Variants in PCDHGB3 observed in about 807,000 individuals in gnomAD.
The protein encoded by PCDHGB3 is protocadherin gamma-B3.
In PCDHGB3, 40 loss-of-function variants were observed where a neutral mutation model predicts 59.2. The observed-to-expected ratio is 0.68, with a 90% CI of 0.52 to 0.88. The LOEUF (loss-of-function observed/expected upper bound fraction) is 0.88, where lower values mean the gene tolerates loss of function less well. Among genes scored for constraint, PCDHGB3 ranks in the 40% least tolerant of loss-of-function variants. PCDHGB3 has a pLI of 0.00. For missense variants in PCDHGB3, 1,309 were observed against 1,187.9 expected (o/e 1.10, Z -1.50); for synonymous variants, 581 against 503.6 (o/e 1.15, Z -2.06).
intron 1 of PCDHGB3, among the ~76,000 whole-genome samples, chr5:141,381,126 A>G (rs772022914): frequency 2.6e-5 from 4 of 152,232 alleles, no homozygotes; most frequent in Non-Finnish European, 5.9e-5. Context: ...TGTATTCTGG[A>G]GCAATGCCAC....
At chr5:141,383,449 A>C (rs1231609078) in intron 1 of PCDHGB3, 1 of 1,613,892 alleles carries the variant, frequency 6.2e-7, no homozygotes, top group South Asian at 1.1e-5. Context: ...GGCTGTGCAA[A>C]GTGGAGACGA....
rs142172414 is a variant in PCDHGB3, at chr5:141,477,145, G to A, written c.2416-17662G>A. On this transcript the variant is annotated intron_variant, in intron 1 of 3. Coordinates refer to ENST00000576222, the MANE Select transcript of PCDHGB3 (RefSeq NM_018924.5). The surrounding 1 kb of genome is among the most constrained non-coding windows in gnomAD (Gnocchi z 4.9). ...ATTGCAAAGTGTTGGTGGAGGTTGT[G>A]GATGTGAATGACAACGCCCCGGAGA... The A allele has an allele frequency of 3.7e-6, 6 of 1,614,054 alleles. No homozygotes were observed. The African/African-American group carries it at 8.0e-5, about 22-fold the overall frequency.
chr5:141,372,031 T>G lies in PCDHGB3; in HGVS notation c.1637T>G (p.Val546Gly). The change falls in exon 1 of 4, where the codon GTG becomes GGG. Residue 546 changes from valine to glycine, a missense_variant. By Grantham distance (109) the Val-to-Gly change is moderately radical. Transcript: ENST00000576222. ...DQGSPTLSAN[V>G]SLRVLVDDRN... ...GGCTCGCCTACGCTCAGCGCCAACG[T>G]GAGCCTGCGCGTGTTGGTGGACGAC... 1.9e-6 allele frequency: 3 copies of G among 1,613,434 alleles called. No individual in the cohort carries two copies. Among genetic ancestry groups the G allele is most frequent in the Non-Finnish European group, 2.5e-6 (3 of 1,179,752 alleles).
chr5:141,494,671 C>T, intron 1 of PCDHGB3, 136 bp from the exon 2 acceptor site: 1 of 1,532,340 alleles, frequency 6.5e-7, no homozygotes, highest in East Asian at 2.4e-5. Context: ...GAGATGAGTC[C>T]ACCCCTGCCC....
In PCDHGB3 at chr5:141,485,145, A is replaced by G. The variant is rs766014792; in HGVS notation, c.2416-9662A>G. On this transcript the variant is annotated intron_variant, in intron 1 of 3. Coordinates refer to ENST00000576222, the MANE Select transcript of PCDHGB3 (RefSeq NM_018924.5). The surrounding 1 kb of genome is among the most constrained non-coding windows in gnomAD (Gnocchi z 5.7). Reference sequence around the variant, plus strand: ...GGGTCGGCTTCATCCGCGTCTCAGGAGCAAGTAGAGAATTAGCGGGCGGCA... The same window carrying G: ...GGGTCGGCTTCATCCGCGTCTCAGGGGCAAGTAGAGAATTAGCGGGCGGCA... The G allele has an allele frequency of 4.5e-6, 7 of 1,567,410 alleles. No individual in the cohort carries two copies. Among genetic ancestry groups the G allele is most frequent in the Non-Finnish European group, 6.1e-6 (7 of 1,142,014 alleles).
In PCDHGB3 at chr5:141,431,482, G is replaced by C. The variant is rs781371030; in HGVS notation, c.2415+58673G>C. ...TGGATGCGAACGACAACGCACCAGCGTTTGCTCAGCCCGAGTACCGCGCGA... is the reference window on the plus strand; with the variant it reads ...TGGATGCGAACGACAACGCACCAGCCTTTGCTCAGCCCGAGTACCGCGCGA... On this transcript the variant is annotated intron_variant, in intron 1 of 3. Coordinates refer to ENST00000576222, the MANE Select transcript of PCDHGB3 (RefSeq NM_018924.5). The surrounding 1 kb of genome is among the most constrained non-coding windows in gnomAD (Gnocchi z 4.8). The C allele has an allele frequency of 6.8e-6, 11 of 1,613,800 alleles. No individual in the cohort carries two copies. The Admixed American group carries it at 1.3e-4, about 20-fold the overall frequency.
intron 1 of PCDHGB3, chr5:141,408,411 C>T (rs2095101928): frequency 1.2e-6 from 2 of 1,614,034 alleles, no homozygotes; most frequent in African/African-American, 1.3e-5. Context: ...CGAGTGAGCG[C>T]GGAGAAGCTG....
chr5:141,428,858 GACT>G (rs1348026268), intron 1 of PCDHGB3: 1 of 139,194 alleles, frequency 7.2e-6, no homozygotes, highest in African/African-American at 3.0e-5. Flanking sequence ...TTTTACGGGA[GACT>G]TTTTTTTTTT....
chr5:141,431,066 CAATT>C lies in PCDHGB3; in HGVS notation c.2415+58260_2415+58263del, dbSNP rs762972663. ...GCTCTGTATGGGGGCCATCAAGTGT[CAATT>C]AAATCTAGACATTCTGATGGAGGAT... On this transcript the variant is annotated intron_variant, in intron 1 of 3. Transcript: ENST00000576222. This position sits in a 1 kb window ranked among gnomAD's most constrained non-coding sequence, Gnocchi z 4.8. 9 of 1,614,042 alleles carry C rather than the reference CAATT, an allele frequency of 5.6e-6. No individual in the cohort carries two copies. The East Asian group carries it at 2.0e-4, about 36-fold the overall frequency.
chr5:141,447,738 A>C (rs1365302023), intron 1 of PCDHGB3, among the ~76,000 whole-genome samples: 7 of 152,216 alleles, frequency 4.6e-5, no homozygotes, highest in Non-Finnish European at 8.8e-5. Context: ...ATTGAACTTA[A>C]GAGTCTTGCA....
intron 1 of PCDHGB3, among the ~76,000 whole-genome samples, chr5:141,435,840 T>G (rs1408413470): frequency 6.6e-6 from 1 of 152,118 alleles, no homozygotes; most frequent in Non-Finnish European, 1.5e-5. Context: ...CCTATCTACT[T>G]TGAAAGATAC....
At chr5:141,472,745 G>A (rs931198460) in intron 1 of PCDHGB3, among the ~76,000 whole-genome samples, 4 of 152,038 alleles carry the variant, frequency 2.6e-5, no homozygotes, top group African/African-American at 9.7e-5. Flanking sequence ...CAGCACTTTG[G>A]GAGGCGGAGG....
Position 141,431,451 on chromosome 5 carries a change from T to C in PCDHGB3, c.2415+58642T>C. On this transcript the variant is annotated intron_variant, in intron 1 of 3. Transcript: ENST00000576222. The surrounding 1 kb of genome is among the most constrained non-coding windows in gnomAD (Gnocchi z 4.8). ...ACAGGCACCGCGCGCATCCGCGTGA[T>C]GGTTCTGGATGCGAACGACAACGCA... The C allele has an allele frequency of 6.2e-7, 1 of 1,613,762 alleles. No individual in the cohort carries two copies. Among genetic ancestry groups the C allele is most frequent in the African/African-American group, 1.3e-5 (1 of 75,072 alleles).
At chr5:141,441,680 C>T in intron 1 of PCDHGB3, 1 of 295,840 alleles carries the variant, frequency 3.4e-6, no homozygotes, top group South Asian at 2.8e-5. Context: ...GCGCCTTCGA[C>T]CAAGAGCAGC....
chr5:141,461,423 C>T lies in PCDHGB3; in HGVS notation c.2416-33384C>T, dbSNP rs1005977255. 3.9e-5 allele frequency among the ~76,000 whole-genome samples: 6 copies of T among 151,938 alleles called. No individual in the cohort carries two copies. In the South Asian group the frequency reaches 6.2e-4, roughly 16 times the overall value. On this transcript the variant is annotated intron_variant, in intron 1 of 3. Coordinates refer to ENST00000576222, the MANE Select transcript of PCDHGB3 (RefSeq NM_018924.5). ...AGCATTTTTTCATATGTTTGTGGGC[C>T]ATTTGTATACCTTCTTTTGAGAAAT... is the stretch of plus-strand genomic sequence containing the variant.
At chr5:141,419,717 G>A (rs1159633605) in intron 1 of PCDHGB3, 3 of 1,613,236 alleles carry the variant, frequency 1.9e-6, no homozygotes, top group Non-Finnish European at 2.5e-6. Flanking sequence ...CTTCAGCCTG[G>A]GGCTGCGAAC....
rs766593056 is a variant in PCDHGB3, at chr5:141,372,812, G to T, written c.2415+3G>T. On this transcript the variant is annotated splice_donor_region_variant and intron_variant, in intron 1 of 3. Coordinates refer to ENST00000576222, the MANE Select transcript of PCDHGB3 (RefSeq NM_018924.5). ...CTAATTCAGGCAATTTGCAAAAGGT[G>T]AGTTTCTTCAAACCTTTCCTTCCAT... 67 of 1,584,432 alleles carry T rather than the reference G, an allele frequency of 4.2e-5. No homozygotes were observed. In the Middle Eastern group the frequency reaches 6.7e-4, roughly 16 times the overall value.
chr5:141,381,991 G>A (rs1019937357), intron 1 of PCDHGB3, among the ~76,000 whole-genome samples: 3 of 151,726 alleles, frequency 2.0e-5, no homozygotes, highest in East Asian at 3.9e-4. Context: ...CACCACGCCC[G>A]GATAATTTTG....
rs889285153 is a variant in PCDHGB3, at chr5:141,494,978, T to C, written c.2474+113T>C. ...TGCTACAGATGGCTTCTCCCTCAGT[T>C]TGAGATCCCAGGGAGGTCTTGGTGT... On this transcript the variant is annotated intron_variant, in intron 2 of 3. Transcript: ENST00000576222. 7.6e-6 allele frequency: 12 copies of C among 1,572,974 alleles called. No homozygotes were observed. In the Admixed American group the frequency reaches 1.3e-4, roughly 17 times the overall value.
Sources: allele counts gnomAD v4.1 joint callset (sites outside exome capture counted in the v4.1 genomes callset), GRCh38; gene constraint gnomAD v4.1.1; non-coding constraint Gnocchi (gnomAD v3.1); transcripts MANE v1.5; gene names NCBI Gene and HGNC (gene_info 2026-07-23, HGNC 2026-07-21).